The following CELF2 variants were observed in gnomAD, a reference collection of about 807,000 sequenced individuals.
CELF2 encodes the protein CUG triplet repeat RNA-binding protein 2.
CELF2 carries 8 observed loss-of-function variants against 62.6 expected under a neutral mutation model. That is an observed-to-expected ratio of 0.13 (90% CI 0.07 to 0.23). The LOEUF is 0.23. Among genes scored for constraint, CELF2 ranks in the 10% least tolerant of loss-of-function variants. CELF2 has a pLI of 1.00. For synonymous variants in CELF2, 258 were observed against 250.0 expected (o/e 1.03, Z -0.30); for missense variants, 333 against 671.0 (o/e 0.50, Z 5.56).
rs540703336 is a variant in CELF2 at position 11,231,607 on chromosome 10, G to A, written c.354+14100G>A. On this transcript the variant is annotated intron_variant, in intron 3 of 12. Coordinates refer to ENST00000633077, the MANE Select transcript of CELF2 (RefSeq NM_001326342.2). ...GAACTTACAGAAGCACACACATTGT[G>A]TCCATTTTGCTCATTGCAACCAAAT... Among the ~76,000 whole-genome samples the A allele has an allele frequency of 4.0e-4, 60 of 149,798 alleles. 1 individual carries two copies. The highest frequency in any genetic ancestry group is 1.3e-3 in the African/African-American group (54 of 40,702).
chr10:10,937,225 A>G (rs2046517045), intron 2 of CELF2, among the ~76,000 whole-genome samples: 1 of 141,260 alleles, frequency 7.1e-6, no homozygotes, highest in Admixed American at 7.7e-5. Context: ...TCCGCCTCCC[A>G]GGTTCAAGCG....
Position 11,328,950 on chromosome 10 carries a change from T to A in CELF2, c.1463T>A (p.Val488Asp). The A allele has an allele frequency of 6.2e-7, 1 of 1,612,866 alleles. No individual in the cohort carries two copies. Reference protein sequence around the residue: ...CFGFVSYDNPVSAQAAIQAMN... With the variant: ...CFGFVSYDNPDSAQAAIQAMN... ...GGTTTTGTTAGCTACGACAATCCAG[T>A]CTCTGCACAAGCTGCTATCCAAGCT... The change falls in exon 13 of 13, where the codon GTC becomes GAC. Residue 488 changes from valine (V) to aspartate (D), a missense_variant. Transcript: ENST00000633077. This position sits in a 1 kb window ranked among gnomAD's most constrained non-coding sequence, Gnocchi z 6.4.
At chr10:10,532,885 T>TTA in the CELF2 span, among the ~76,000 whole-genome samples, 76 of 27,446 alleles carry the variant, frequency 2.8e-3, 2 homozygotes, top group East Asian at 0.047. Flanking sequence ...AGACAAAATC[T>TTA]CAAAAAAAAA....
At chr10:11,133,115 T>C (rs1224246847) in intron 1 of CELF2, among the ~76,000 whole-genome samples, 1 of 152,156 alleles carries the variant, frequency 6.6e-6, no homozygotes, top group Non-Finnish European at 1.5e-5. Flanking sequence ...AACGCTAGCA[T>C]CATTTCATCG....
the CELF2 span, among the ~76,000 whole-genome samples, chr10:10,632,419 A>T: frequency 1.3e-5 from 2 of 152,072 alleles, no homozygotes; most frequent in Admixed American, 1.3e-4. Flanking sequence ...TTCTAATTTC[A>T]TACACACACA....
chr10:10,956,814 G>A (rs906242357), intron 2 of CELF2, among the ~76,000 whole-genome samples: 17 of 152,060 alleles, frequency 1.1e-4, no homozygotes, highest in African/African-American at 3.1e-4. Flanking sequence ...TGCACCTATA[G>A]TCCCAGCTAT....
chr10:10,640,898 G>T, the CELF2 span, among the ~76,000 whole-genome samples: 8 of 152,090 alleles, frequency 5.3e-5, no homozygotes, highest in African/African-American at 1.9e-4. Context: ...GGCCATCTTT[G>T]TTTCCCTCCA....
intron 2 of CELF2, among the ~76,000 whole-genome samples, chr10:11,173,508 A>G (rs1371642980): frequency 6.6e-6 from 1 of 151,720 alleles, no homozygotes; most frequent in Admixed American, 6.5e-5. Flanking sequence ...AAATCATGAC[A>G]TACCTTTTGA....
chr10:10,924,414 C>G (rs1318054048), intron 2 of CELF2, among the ~76,000 whole-genome samples: 1 of 150,952 alleles, frequency 6.6e-6, no homozygotes, highest in African/African-American at 2.4e-5. Flanking sequence ...TTAACAGAGT[C>G]CACTGTTTTT....
chr10:10,926,561 C>T (rs185919761), intron 2 of CELF2, among the ~76,000 whole-genome samples: 2 of 152,318 alleles, frequency 1.3e-5, no homozygotes, highest in East Asian at 3.9e-4. Flanking sequence ...ACACCGTCTG[C>T]CATCTTCATC....
rs2066037709 is a variant in CELF2, at chr10:10,931,341, A to AC, written c.89+11344dup. Among the ~76,000 whole-genome samples, 1 of 151,568 alleles carries AC rather than the reference A, an allele frequency of 6.6e-6. No individual in the cohort carries two copies. The highest frequency in any genetic ancestry group is 2.1e-4 in the South Asian group (1 of 4,780). ...ATTAGGCCTGACTATTCATCCTTAAACCTCTGCTTGTCATGCTGGCTGGGG... is the reference window on the plus strand; with the variant it reads ...ATTAGGCCTGACTATTCATCCTTAAACCCTCTGCTTGTCATGCTGGCTGGGG... On this transcript the variant is annotated intron_variant, in intron 2 of 13. Coordinates refer to the CELF2 transcript ENST00000636488. This position sits in a 1 kb window ranked among gnomAD's most constrained non-coding sequence, Gnocchi z 6.1.
At chr10:10,503,220 C>T in the CELF2 span, among the ~76,000 whole-genome samples, 1 of 151,926 alleles carries the variant, frequency 6.6e-6, no homozygotes, top group Non-Finnish European at 1.5e-5. Flanking sequence ...GTGGGATATT[C>T]TATAAATATT....
At chr10:10,924,758 G>A (rs2065298860) in intron 2 of CELF2, among the ~76,000 whole-genome samples, 1 of 119,290 alleles carries the variant, frequency 8.4e-6, no homozygotes, top group African/African-American at 3.6e-5. Flanking sequence ...CTGTGAGAGG[G>A]TTAGGAAACA....
intron 1 of CELF2, among the ~76,000 whole-genome samples, chr10:11,032,806 T>A (rs2138975820): frequency 6.6e-6 from 1 of 152,352 alleles, no homozygotes; most frequent in East Asian, 1.9e-4. Flanking sequence ...TCTGACAGGA[T>A]GATATGTCAC....
chr10:10,528,023 T>A, the CELF2 span, among the ~76,000 whole-genome samples: 1 of 152,220 alleles, frequency 6.6e-6, no homozygotes, highest in East Asian at 1.9e-4. Context: ...CACAGTTAAA[T>A]GACCTACCCT....
intron 2 of CELF2, among the ~76,000 whole-genome samples, chr10:10,952,494 T>C (rs1444060417): frequency 6.6e-6 from 1 of 152,238 alleles, no homozygotes; most frequent in African/African-American, 2.4e-5. Flanking sequence ...CTTCCAGCCA[T>C]TGGACTCAGG....
intron 1 of CELF2, among the ~76,000 whole-genome samples, chr10:10,859,734 C>T (rs1362357139): frequency 1.3e-5 from 2 of 152,054 alleles, no homozygotes; most frequent in African/African-American, 2.4e-5. Flanking sequence ...CTGACTCTTA[C>T]TAGAATTTTT....
the CELF2 span, among the ~76,000 whole-genome samples, chr10:10,611,760 G>A: frequency 1.3e-5 from 2 of 152,134 alleles, no homozygotes; most frequent in African/African-American, 2.4e-5. Context: ...ATATGGATAG[G>A]CAGACAGATA....
intron 5 of CELF2, among the ~76,000 whole-genome samples, chr10:11,262,045 TC>T (rs2080814046): frequency 6.6e-6 from 1 of 152,098 alleles, no homozygotes. Flanking sequence ...TTAATTTTTT[TC>T]CCCCCACAAA....
Sources: allele counts gnomAD v4.1 joint callset (sites outside exome capture counted in the v4.1 genomes callset), GRCh38; gene constraint gnomAD v4.1.1; non-coding constraint Gnocchi (gnomAD v3.1); transcripts MANE v1.5; gene names NCBI Gene and HGNC (gene_info 2026-07-23, HGNC 2026-07-21).